Variants in AKT3 observed in about 807,000 individuals in gnomAD.
AKT3 encodes the protein AKT serine/threonine kinase 3, also known as RAC-gamma serine/threonine-protein kinase.
Under a neutral mutation model 65.3 loss-of-function variants are expected in AKT3, and 15 were observed. That is an observed-to-expected ratio of 0.23 (90% CI 0.15 to 0.35). The LOEUF is 0.35. Ranked by LOEUF, AKT3 falls within the 10% of genes least tolerant of loss-of-function variation. The pLI is 1.00. For missense variants in AKT3, 243 were observed against 576.5 expected, an observed-to-expected ratio of 0.42 and a Z score of 5.92; for synonymous variants, 206 against 183.8, an observed-to-expected ratio of 1.12 and a Z score of -0.98.
At chr1:243,821,744 A>G (rs532902669) in intron 2 of AKT3, among the ~76,000 whole-genome samples, 12 of 152,364 alleles carry the variant, frequency 7.9e-5, no homozygotes, top group Non-Finnish European at 1.6e-4. Context: ...TCCTAAATAT[A>G]TATGCATCCA....
At chr1:243,581,621 A>G (rs1320715963) in intron 8 of AKT3, among the ~76,000 whole-genome samples, 5 of 152,130 alleles carry the variant, frequency 3.3e-5, no homozygotes, top group Non-Finnish European at 4.4e-5. Flanking sequence ...TAATTACAGA[A>G]GTTACAAGTG....
At chr1:243,696,305 G>C (rs887245617) in intron 2 of AKT3, among the ~76,000 whole-genome samples, 1 of 151,864 alleles carries the variant, frequency 6.6e-6, no homozygotes, top group Non-Finnish European at 1.5e-5. Flanking sequence ...GGCTTTCAAC[G>C]ATACGCAAAC....
In AKT3 at chr1:243,760,660, C is replaced by CGAA. The variant is rs1176948471; in HGVS notation, c.47-64945_47-64944insTTC. 2.6e-5 allele frequency among the ~76,000 whole-genome samples: 4 copies of CGAA among 152,232 alleles called. No homozygotes were observed. The East Asian group carries it at 7.7e-4, about 29-fold the overall frequency. ...GAACAAGGTGTCACTCAGCCTTCTT[C>CGAA]CTTCAGCTCTCCTATTACAAACAAT... On this transcript the variant is annotated intron_variant, in intron 2 of 13. Coordinates refer to ENST00000673466, the MANE Select transcript of AKT3 (RefSeq NM_005465.7).
chr1:243,811,431 G>A (rs1308942712), intron 2 of AKT3, among the ~76,000 whole-genome samples: 1 of 152,154 alleles, frequency 6.6e-6, no homozygotes, highest in African/African-American at 2.4e-5. Context: ...TTGCTTCAAA[G>A]AGAATAAAAT....
intron 12 of AKT3, among the ~76,000 whole-genome samples, chr1:243,521,998 C>G (rs1362440749): frequency 6.6e-6 from 1 of 152,154 alleles, no homozygotes; most frequent in Non-Finnish European, 1.5e-5. Flanking sequence ...TTGAAGATCT[C>G]AGTTATACCT....
intron 2 of AKT3, among the ~76,000 whole-genome samples, chr1:243,835,566 C>A (rs1026041877): frequency 1.3e-4 from 20 of 152,094 alleles, no homozygotes; most frequent in Admixed American, 1.1e-3. Context: ...ACCTAAGGAG[C>A]CTCTTTAGAA....
chr1:243,790,133 C>G (rs959501393), intron 2 of AKT3, among the ~76,000 whole-genome samples: 1 of 152,192 alleles, frequency 6.6e-6, no homozygotes, highest in Admixed American at 6.5e-5. Context: ...TTAGCTACGA[C>G]CAAGAAAGTC....
chr1:243,626,956 C>T (rs1268728812), intron 6 of AKT3, among the ~76,000 whole-genome samples: 1 of 152,134 alleles, frequency 6.6e-6, no homozygotes, highest in Non-Finnish European at 1.5e-5. Flanking sequence ...GCAACTTCCC[C>T]AGCTCACATA....
intron 2 of AKT3, among the ~76,000 whole-genome samples, chr1:243,718,814 G>C (rs1037835977): frequency 2.6e-5 from 4 of 151,998 alleles, no homozygotes; most frequent in African/African-American, 4.8e-5. Flanking sequence ...AAAATGAATT[G>C]ATGAATTTTT....
At chr1:243,537,005 G>GT (rs1272657775) in intron 12 of AKT3, among the ~76,000 whole-genome samples, 2 of 152,042 alleles carry the variant, frequency 1.3e-5, no homozygotes, top group Non-Finnish European at 2.9e-5. Flanking sequence ...TAACCTCTGC[G>GT]TAACTGCCAT....
intron 2 of AKT3, among the ~76,000 whole-genome samples, chr1:243,831,111 G>GT (rs1349979107): frequency 6.6e-6 from 1 of 152,106 alleles, no homozygotes; most frequent in East Asian, 1.9e-4. Flanking sequence ...GTGACATACT[G>GT]TTATCTGAAC....
chr1:243,645,722 C>T (rs1270616360), intron 5 of AKT3, among the ~76,000 whole-genome samples, 171 bp downstream of exon 5: 9 of 152,160 alleles, frequency 5.9e-5, no homozygotes, highest in African/African-American at 2.2e-4. Flanking sequence ...ACAATGTTCA[C>T]CTATTTGGTT....
chr1:243,729,881 T>G lies in AKT3; in HGVS notation c.47-34165A>C, dbSNP rs375648127. On this transcript the variant is annotated intron_variant, in intron 2 of 13. Coordinates refer to ENST00000673466, the MANE Select transcript of AKT3 (RefSeq NM_005465.7). Reference sequence around the variant, plus strand: ...CACTTTATTACCAGAATAATTTACTTTCATCTTGCCTGTATTTTCCAAGTC... The same window carrying G: ...CACTTTATTACCAGAATAATTTACTGTCATCTTGCCTGTATTTTCCAAGTC... 4.1e-4 allele frequency among the ~76,000 whole-genome samples: 63 copies of G among 152,332 alleles called. 1 individual carries two copies. The South Asian group carries it at 0.012, about 29-fold the overall frequency.
At chr1:243,628,107 T>C (rs548382494) in intron 6 of AKT3, among the ~76,000 whole-genome samples, 24 of 152,218 alleles carry the variant, frequency 1.6e-4, no homozygotes, top group Non-Finnish European at 2.4e-4. Context: ...GAGACGATTA[T>C]TGGTTTGCTC....
intron 12 of AKT3, among the ~76,000 whole-genome samples, chr1:243,513,214 G>A (rs936936849): frequency 3.3e-5 from 5 of 152,194 alleles, no homozygotes; most frequent in African/African-American, 1.2e-4. Flanking sequence ...TTGGGAGGGA[G>A]AAGGAGCTAA....
chr1:243,642,506 T>A (rs1430320169), intron 5 of AKT3, among the ~76,000 whole-genome samples: 1 of 152,156 alleles, frequency 6.6e-6, no homozygotes, highest in Non-Finnish European at 1.5e-5. Flanking sequence ...AGACGGGGTT[T>A]CACCGTGTTA....
At chr1:243,844,992 A>G (rs1321418648) in intron 1 of AKT3, among the ~76,000 whole-genome samples, 1 of 152,214 alleles carries the variant, frequency 6.6e-6, no homozygotes, top group East Asian at 1.9e-4. Context: ...ATTTTAGATA[A>G]CTAGAAAAAT....
At chr1:243,753,969 C>T (rs989846389) in intron 2 of AKT3, among the ~76,000 whole-genome samples, 3 of 152,150 alleles carry the variant, frequency 2.0e-5, no homozygotes, top group Non-Finnish European at 4.4e-5. Context: ...GAATTATTCT[C>T]TGTGTGTTTC....
chr1:243,783,301 G>A (rs952743940), intron 2 of AKT3, among the ~76,000 whole-genome samples: 2 of 152,182 alleles, frequency 1.3e-5, no homozygotes, highest in Non-Finnish European at 2.9e-5. Flanking sequence ...GTTGATCATC[G>A]ATGGCCAATG....
Sources: allele counts gnomAD v4.1 joint callset (sites outside exome capture counted in the v4.1 genomes callset), GRCh38; gene constraint gnomAD v4.1.1; transcripts MANE v1.5; gene names NCBI Gene and HGNC (gene_info 2026-07-23, HGNC 2026-07-21).